Variants in ALDH2 observed in about 807,000 individuals in gnomAD.
ALDH2 encodes the protein aldehyde dehydrogenase 2 family member.
In ALDH2, 44 loss-of-function variants were observed where a neutral mutation model predicts 59.6. That is an observed-to-expected ratio of 0.74 (90% CI 0.58 to 0.95). ALDH2 has a LOEUF of 0.95. ALDH2 is among the 40% of genes least tolerant of loss of function. The pLI is 0.00. For missense variants in ALDH2, 570 were observed against 696.3 expected (o/e 0.82, Z 2.04); for synonymous variants, 291 against 284.0 (o/e 1.02, Z -0.25).
chr12:111,789,955 G>A, intron 5 of ALDH2, 21 bp downstream of exon 5: 1 of 1,606,780 alleles, frequency 6.2e-7, no homozygotes, highest in Non-Finnish European at 8.5e-7. Flanking sequence ...CCTCCCTGGA[G>A]TTTCTTCAGG....
chr12:111,781,109 A>G (rs888189144), intron 1 of ALDH2, among the ~76,000 whole-genome samples: 15 of 152,156 alleles, frequency 9.9e-5, no homozygotes, highest in African/African-American at 3.6e-4. Flanking sequence ...ACCCTGTCTC[A>G]AAAAAGAAAA....
intron 9 of ALDH2, among the ~76,000 whole-genome samples, chr12:111,796,369 C>T (rs1361982420): frequency 6.6e-6 from 1 of 151,410 alleles, no homozygotes; most frequent in Admixed American, 6.6e-5. Context: ...AAAAATTAGC[C>T]AGATGTAGTG....
intron 10 of ALDH2, among the ~76,000 whole-genome samples, chr12:111,799,528 C>T (rs1390816029): frequency 6.7e-6 from 1 of 150,198 alleles, no homozygotes; most frequent in African/African-American, 2.5e-5. Context: ...AGGCTGGACT[C>T]GAACTCCTAG....
At chr12:111,767,597 C>T (rs529520609) in intron 1 of ALDH2, among the ~76,000 whole-genome samples, 1 of 152,312 alleles carries the variant, frequency 6.6e-6, no homozygotes, top group African/African-American at 2.4e-5. Flanking sequence ...AGGCCACGCT[C>T]GGCTGCTTCC....
At chr12:111,798,309 GC>G in intron 10 of ALDH2, 67 bp downstream of exon 10, 1 of 1,475,148 alleles carries the variant, frequency 6.8e-7, no homozygotes, top group East Asian at 2.4e-5. Flanking sequence ...GTTCAGCCTG[GC>G]ATCCTGATGC....
chr12:111,792,882 G>A lies in ALDH2; in HGVS notation c.1083+100G>A, dbSNP rs900772482. 3.1e-6 allele frequency: 4 copies of A among 1,287,866 alleles called. No homozygotes were observed. The African/African-American group carries it at 6.0e-5, about 19-fold the overall frequency. 79.8% of individuals were successfully genotyped at this position (1,287,866 alleles called of 1,614,324 possible). A position where few individuals can be genotyped will look rare whatever the true frequency, so the allele number is the denominator to read the frequency against. On this transcript the variant is annotated intron_variant, in intron 9 of 12. Transcript: ENST00000261733. Reference sequence around the variant, plus strand: ...CAGTTGGGACTGGGTTCAGGTCTCAGCTCTACCACACAGCAGCTGTGTGCC... The same window carrying A: ...CAGTTGGGACTGGGTTCAGGTCTCAACTCTACCACACAGCAGCTGTGTGCC...
intron 10 of ALDH2, 97 bp from the exon 11 acceptor site, chr12:111,799,809 T>C (rs1196573479): frequency 2.5e-5 from 34 of 1,387,200 alleles, no homozygotes; most frequent in Non-Finnish European, 3.2e-5. Context: ...GCTGGGGGCT[T>C]ATCCCCCAAT....
At chr12:111,782,919 A>G (rs78602437) in intron 2 of ALDH2, among the ~76,000 whole-genome samples, 2,321 of 152,038 alleles carry the variant, frequency 0.015, 68 homozygotes, top group African/African-American at 0.053. Context: ...TACAGAAATT[A>G]TCCGGATTCT....
At chr12:111,804,210 C>T (rs1283033824) in intron 12 of ALDH2, among the ~76,000 whole-genome samples, 2 of 152,134 alleles carry the variant, frequency 1.3e-5, no homozygotes, top group Non-Finnish European at 2.9e-5. Flanking sequence ...TGCTTGAGGC[C>T]ATCAGTGTTT....
chr12:111,787,236 C>G (rs1402448829), intron 4 of ALDH2, among the ~76,000 whole-genome samples: 2 of 152,030 alleles, frequency 1.3e-5, no homozygotes, highest in Non-Finnish European at 1.5e-5. Flanking sequence ...AAGAAATTCA[C>G]TGAGCCCAAC....
Position 111,792,600 on chromosome 12 carries a change from G to T in ALDH2, c.901G>T (p.Asp301Tyr), listed in dbSNP as rs571588910. 7.4e-6 allele frequency: 12 copies of T among 1,611,560 alleles called. No homozygotes were observed. Among genetic ancestry groups the T allele is most frequent in the South Asian group, 1.1e-5 (1 of 90,940 alleles). The stretch of plus-strand genomic sequence containing the variant: ...TGTCTCCTGCCCACTTCCCGCAGTG[G>T]ATTGGGCCGTGGAACAGGCCCACTT... The part of the protein sequence containing the change: ...PNIIMSDADM[D>Y]WAVEQAHFAL... Residue 301 changes from aspartate (D) to tyrosine (Y), a missense_variant and splice_region_variant, in exon 9 of 13, where the codon GAT (aspartate) becomes TAT (tyrosine). Coordinates refer to ENST00000261733, the MANE Select transcript of ALDH2 (RefSeq NM_000690.4).
Position 111,789,960 on chromosome 12 carries a change from T to C in ALDH2, c.552+26T>C, listed in dbSNP as rs746814335. 3.7e-6 allele frequency: 6 copies of C among 1,603,888 alleles called. No individual in the cohort carries two copies. In the African/African-American group the frequency reaches 4.0e-5, roughly 11 times the overall value. ...GTGAGTCCAGCCTCCCTGGAGTTTC[T>C]TCAGGGTGCCCTGAGATTTGGCAGT... On this transcript the variant is annotated intron_variant, in intron 5 of 12. Coordinates refer to ENST00000261733, the MANE Select transcript of ALDH2 (RefSeq NM_000690.4).
In ALDH2 at chr12:111,810,605, ATT is replaced by A. The variant is rs911026675; in HGVS notation, c.*1049_*1050del. On this transcript the variant is annotated 3_prime_UTR_variant, in exon 13 of 13. Coordinates refer to ENST00000261733, the MANE Select transcript of ALDH2 (RefSeq NM_000690.4). Reference sequence around the variant, plus strand: ...GATACTGAATGTCCAATGTTCTCAAATTTTTTTTTTTTTTTTTTTTGAGACAG... The same window carrying A: ...GATACTGAATGTCCAATGTTCTCAAATTTTTTTTTTTTTTTTTTGAGACAG... The A allele has an allele frequency of 5.0e-4, 69 of 137,554 alleles. No homozygotes were observed. The highest frequency in any genetic ancestry group is 5.9e-4 in the Admixed American group (8 of 13,518). The allele number at this position is 137,554 out of a possible 1,614,324, so 8.5% of individuals were successfully genotyped here.
chr12:111,782,057 G>A (rs2068277010), intron 2 of ALDH2, 35 bp downstream of exon 2: 1 of 1,509,282 alleles, frequency 6.6e-7, no homozygotes, highest in Non-Finnish European at 9.2e-7. Context: ...GGGAGGGATG[G>A]ATTCGTCTTC....
intron 11 of ALDH2, among the ~76,000 whole-genome samples, chr12:111,802,152 A>G (rs2068456723): frequency 6.6e-6 from 1 of 151,904 alleles, no homozygotes; most frequent in Non-Finnish European, 1.5e-5. Flanking sequence ...GGTGGTTCAC[A>G]CCTGTAATCC....
intron 1 of ALDH2, among the ~76,000 whole-genome samples, chr12:111,775,310 C>T (rs1026995809): frequency 4.6e-5 from 7 of 152,184 alleles, no homozygotes; most frequent in African/African-American, 1.7e-4. Flanking sequence ...CTCCTGTCCC[C>T]AGGCTCTTCC....
intron 1 of ALDH2, 88 bp downstream of exon 1, chr12:111,767,184 A>C (rs1376451347): frequency 2.8e-6 from 3 of 1,088,572 alleles, no homozygotes; most frequent in Non-Finnish European, 3.7e-6. Flanking sequence ...CGTGGGCCTT[A>C]GTGTACTCAT....
intron 4 of ALDH2, among the ~76,000 whole-genome samples, chr12:111,788,763 A>G (rs2068331832): frequency 6.6e-6 from 1 of 152,076 alleles, no homozygotes; most frequent in African/African-American, 2.4e-5. Flanking sequence ...GCACTTTGGG[A>G]GGCCAAGGCA....
At chr12:111,788,786 G>A (rs1200386387) in intron 4 of ALDH2, among the ~76,000 whole-genome samples, 1 of 151,978 alleles carries the variant, frequency 6.6e-6, no homozygotes, top group Admixed American at 6.6e-5. Flanking sequence ...AGGATCACTT[G>A]AGCTCAGGAG....
Sources: gnomAD v4.1 joint callset for allele counts (sites outside exome capture counted in the v4.1 genomes callset) on GRCh38, gnomAD v4.1.1 for gene constraint, MANE v1.5 for transcripts, NCBI Gene and HGNC (gene_info 2026-07-23, HGNC 2026-07-21) for gene names.